The following MATR3 variants were observed in gnomAD, a reference collection of about 807,000 sequenced individuals.
MATR3 encodes the protein matrin-3.
MATR3 carries 4 observed loss-of-function variants against 85.5 expected under a neutral mutation model. That is an observed-to-expected ratio of 0.05 (90% CI 0.02 to 0.11). MATR3 has a LOEUF of 0.11. MATR3 is among the 10% of genes least tolerant of loss of function. The pLI is 1.00. For missense variants in MATR3, 685 were observed against 1,016.1 expected (o/e 0.67, Z 4.43); for synonymous variants, 336 against 343.1 (o/e 0.98, Z 0.23).
chr5:139,323,227 G>GC (rs1369162556), intron 12 of MATR3, among the ~76,000 whole-genome samples: 1 of 151,970 alleles, frequency 6.6e-6, no homozygotes, highest in African/African-American at 2.4e-5. Context: ...AAATATATGT[G>GC]CTTCTGTATT....
chr5:139,284,216 T>C (rs1406485172), intron 3 of MATR3, among the ~76,000 whole-genome samples: 1 of 152,230 alleles, frequency 6.6e-6, no homozygotes, highest in Non-Finnish European at 1.5e-5. Context: ...AAGAATTTTT[T>C]TGGACATGAA....
At position 139,277,663 on chromosome 5, in the gene MATR3, C is replaced by G. The variant is rs989517923; in HGVS notation, c.-256-1388C>G. On this transcript the variant is annotated intron_variant, in intron 2 of 16. Coordinates refer to ENST00000509990, the Ensembl canonical transcript of MATR3. ...ATTGGGGTAAATGGCAAGCAGCATT[C>G]TATTTCCATCTCTCCAGATAAGGGT... is the stretch of plus-strand genomic sequence containing the variant. Among the ~76,000 whole-genome samples the G allele has an allele frequency of 3.3e-5, 5 of 151,514 alleles. No homozygotes were observed. The South Asian group carries it at 6.2e-4, about 19-fold the overall frequency.
upstream of MATR3, among the ~76,000 whole-genome samples, chr5:139,292,634 G>A (rs564746656): frequency 6.6e-6 from 1 of 152,254 alleles, no homozygotes; most frequent in East Asian, 1.9e-4. Context: ...AAAGGCTCGC[G>A]GTCCTCCGCC....
intron 10 of MATR3, 140 bp downstream of exon 10, chr5:139,322,169 C>A: frequency 1.9e-6 from 2 of 1,080,050 alleles, no homozygotes; most frequent in Non-Finnish European, 2.7e-6. Context: ...AGAGAACAAC[C>A]TTTTTTTCTG....
chr5:139,325,240 G>T (rs1016028461), intron 12 of MATR3, 200 bp from the exon 13 acceptor site: 1 of 1,543,804 alleles, frequency 6.5e-7, no homozygotes, highest in South Asian at 1.2e-5. Flanking sequence ...AAGTAAAGCA[G>T]ACAGAAGGGA....
At position 139,331,149 on chromosome 5, in the gene MATR3, A is replaced by G. The variant is rs1034548670; in HGVS notation, c.*1754A>G. ...AAAAACAGGATAGGCATTGTCTTTC[A>G]AATGTTCAGACCCCAGTTTATTAAA... On this transcript the variant is annotated 3_prime_UTR_variant, in exon 15 of 15. Transcript: ENST00000394805. 1 of 454,130 alleles carries G rather than the reference A, an allele frequency of 2.2e-6. No individual in the cohort carries two copies. Among genetic ancestry groups the G allele is most frequent in the Admixed American group, 2.3e-5 (1 of 42,574 alleles). The allele number at this position is 454,130 out of a possible 1,614,324, so 28.1% of individuals were successfully genotyped here. A position where few individuals can be genotyped will look rare whatever the true frequency, so the allele number is the denominator to read the frequency against.
intron 2 of MATR3, among the ~76,000 whole-genome samples, chr5:139,277,760 T>C (rs1176590785): frequency 6.2e-5 from 6 of 96,662 alleles, no homozygotes; most frequent in Non-Finnish European, 1.1e-4. Context: ...TGTCTGCTCG[T>C]CTTTTTTTTT....
Position 139,321,964 on chromosome 5 carries a change from C to G in MATR3, c.1669C>G (p.Leu557Val). 1 of 1,613,924 alleles carries G rather than the reference C, an allele frequency of 6.2e-7. No individual in the cohort carries two copies. Among genetic ancestry groups the G allele is most frequent in the Non-Finnish European group, 8.5e-7 (1 of 1,179,954 alleles). Residue 557 changes from leucine (L) to valine (V), a missense_variant, in exon 10 of 15, where the codon CTT (leucine) becomes GTT (valine). Leu to Val is a conservative substitution (Grantham distance 32). Transcript: ENST00000394805. ...AMVDHCLKKA[L>V]WFQGRCVKVD... ...GGTTGACCATTGTTTGAAAAAAGCC[C>G]TTTGGTTTCAGGGGAGATGTGTGAA... is the stretch of plus-strand genomic sequence containing the variant.
rs780351575 is a variant in MATR3, at chr5:139,325,679, T to C, written c.2371+17T>C. 9 of 1,596,572 alleles carry C rather than the reference T, an allele frequency of 5.6e-6. No individual in the cohort carries two copies. In the Admixed American group the frequency reaches 1.2e-4, roughly 21 times the overall value. On this transcript the variant is annotated intron_variant, in intron 13 of 14. Transcript: ENST00000394805. The stretch of plus-strand genomic sequence containing the variant: ...TTCCTGTTGGTGAGATTTAAGTCTT[T>C]GTTCTTCACCTTCCTCACTCTCCTC...
At chr5:139,282,139 A>G (rs1186756961) in intron 3 of MATR3, among the ~76,000 whole-genome samples, 1 of 152,242 alleles carries the variant, frequency 6.6e-6, no homozygotes, top group Non-Finnish European at 1.5e-5. Flanking sequence ...CTAATTAAGA[A>G]CTTAAAAAGA....
chr5:139,313,364 T>TG (rs1399616595), intron 2 of MATR3: 1 of 149,796 alleles, frequency 6.7e-6, no homozygotes, highest in Non-Finnish European at 1.5e-5. Context: ...TCCATGTGCC[T>TG]GGCAAGGGTC....
intron 1 of MATR3, among the ~76,000 whole-genome samples, chr5:139,305,710 A>G (rs185998627): frequency 1.3e-5 from 2 of 152,240 alleles, no homozygotes; most frequent in African/African-American, 2.4e-5. Flanking sequence ...CTTGTCTAGA[A>G]CTATTAATAG....
chr5:139,323,010 C>A (rs1358416179), intron 12 of MATR3, 43 bp downstream of exon 12: 1 of 1,568,764 alleles, frequency 6.4e-7, no homozygotes, highest in South Asian at 1.2e-5. Context: ...AACATTAGAT[C>A]AGATCAGTAT....
chr5:139,307,159 T>C lies in MATR3; in HGVS notation c.-177-80T>C. 9.9e-7 allele frequency: 1 copy of C among 1,005,642 alleles called. No individual in the cohort carries two copies. Among genetic ancestry groups the C allele is most frequent in the Non-Finnish European group, 1.2e-6 (1 of 801,078 alleles). The allele number at this position is 1,005,642 out of a possible 1,614,324, so 62.3% of individuals were successfully genotyped here. On this transcript the variant is annotated intron_variant, in intron 1 of 14. Transcript: ENST00000394805. This position sits in a 1 kb window ranked among gnomAD's most constrained non-coding sequence, Gnocchi z 4.4. ...TAAATGTTTTTTTTTTAAATCAACA[T>C]GATGCATAAGTTTTTTTTTCTTAAA... is the stretch of plus-strand genomic sequence containing the variant.
At position 139,276,855 on chromosome 5, in the gene MATR3, A is replaced by G. The variant is rs1478835554; in HGVS notation, c.-257+705A>G. ...GGGATGGATTCCCTATTAGGGAAACATTGATGGTAATTCACTTTAAAATTA... is the reference window on the plus strand; with the variant it reads ...GGGATGGATTCCCTATTAGGGAAACGTTGATGGTAATTCACTTTAAAATTA... On this transcript the variant is annotated intron_variant, in intron 2 of 16. Coordinates refer to ENST00000509990, the Ensembl canonical transcript of MATR3. 3.3e-5 allele frequency among the ~76,000 whole-genome samples: 5 copies of G among 152,326 alleles called. No individual in the cohort carries two copies. The East Asian group carries it at 7.7e-4, about 24-fold the overall frequency.
chr5:139,305,022 T>C (rs1311362738), intron 1 of MATR3, among the ~76,000 whole-genome samples: 1 of 152,244 alleles, frequency 6.6e-6, no homozygotes, highest in Non-Finnish European at 1.5e-5. Flanking sequence ...TTTGGTTTAT[T>C]TGTGGTTTAA....
At chr5:139,279,398 TTTTTA>T (rs781087549) in intron 3 of MATR3, 4 of 279,972 alleles carry the variant, frequency 1.4e-5, no homozygotes, top group Admixed American at 4.6e-5. Flanking sequence ...CAGGCTAATT[TTTTTA>T]TTTTAAGTAG....
intron 1 of MATR3, among the ~76,000 whole-genome samples, chr5:139,296,012 CG>C (rs1399356635): frequency 6.6e-6 from 1 of 152,108 alleles, no homozygotes; most frequent in Non-Finnish European, 1.5e-5. Flanking sequence ...TCTGTAGAGA[CG>C]TGTTCTCACA....
intron 3 of MATR3, among the ~76,000 whole-genome samples, chr5:139,282,464 C>G (rs1332548474): frequency 2.6e-5 from 4 of 152,132 alleles, no homozygotes; most frequent in Non-Finnish European, 5.9e-5. Flanking sequence ...TTCTGTGCTG[C>G]TTCTTAAGGG....
Sources: allele counts gnomAD v4.1 joint callset (sites outside exome capture counted in the v4.1 genomes callset), GRCh38; gene constraint gnomAD v4.1.1; non-coding constraint Gnocchi (gnomAD v3.1); transcripts MANE v1.5; gene names NCBI Gene and HGNC (gene_info 2026-07-23, HGNC 2026-07-21).